UMAD1: variants seen among roughly 807,000 people sequenced by gnomAD.
The protein encoded by UMAD1 is UBAP1-MVB12-associated (UMA)-domain containing protein 1.
In UMAD1, 8 loss-of-function variants were observed where a neutral mutation model predicts 6.1. The observed-to-expected ratio is 1.30, with a 90% CI of 0.76 to 2.35. UMAD1 has a LOEUF of 2.35. UMAD1 is among the 30% of genes most tolerant of loss of function. The pLI, the probability that UMAD1 is intolerant of heterozygous loss-of-function variation, is 0.00. For missense variants in UMAD1, 130 were observed against 78.4 expected (o/e 1.66, Z -2.49); for synonymous variants, 56 against 31.4 (o/e 1.78, Z -2.61).
At chr7:7,747,100 G>A (rs939755603) in intron 2 of UMAD1, among the ~76,000 whole-genome samples, 3 of 151,996 alleles carry the variant, frequency 2.0e-5, no homozygotes, top group Non-Finnish European at 2.9e-5. Context: ...AGTTGCCTTC[G>A]AGTGCATGGT....
chr7:7,778,263 T>TGAGAGAGAGAGA (rs1342531151), intron 2 of UMAD1, among the ~76,000 whole-genome samples: 1 of 135,776 alleles, frequency 7.4e-6, no homozygotes, highest in African/African-American at 2.9e-5. Context: ...TGTGTGTGTG[T>TGAGAGAGAGAGA]GTGTGTGTGT....
chr7:7,763,971 A>G (rs963001780), intron 2 of UMAD1, among the ~76,000 whole-genome samples: 2 of 152,240 alleles, frequency 1.3e-5, no homozygotes, highest in Non-Finnish European at 2.9e-5. Context: ...ATAGCAGTAG[A>G]AAAGAAGATA....
chr7:7,840,755 C>T (rs1403264181), intron 3 of UMAD1, among the ~76,000 whole-genome samples: 1 of 152,146 alleles, frequency 6.6e-6, no homozygotes, highest in Non-Finnish European at 1.5e-5. Context: ...ATCAAAGGTT[C>T]TTCACAGAAG....
At chr7:7,676,938 A>G (rs1011033096) in intron 2 of UMAD1, among the ~76,000 whole-genome samples, 1 of 152,118 alleles carries the variant, frequency 6.6e-6, no homozygotes, top group African/African-American at 2.4e-5. Context: ...TCTTTTTATT[A>G]TATCATTCTA....
chr7:7,652,924 G>C (rs958844323), intron 1 of UMAD1, among the ~76,000 whole-genome samples: 15 of 152,172 alleles, frequency 9.9e-5, no homozygotes, highest in African/African-American at 3.6e-4. Context: ...ACATTAAAAT[G>C]AGCGAGCAAA....
intron 2 of UMAD1, among the ~76,000 whole-genome samples, chr7:7,776,792 T>C (rs954659500): frequency 5.9e-5 from 9 of 152,168 alleles, no homozygotes; most frequent in African/African-American, 2.2e-4. Flanking sequence ...ATGTTCAAAA[T>C]CTTAAATTCG....
intron 2 of UMAD1, among the ~76,000 whole-genome samples, chr7:7,737,275 C>T (rs543759023): frequency 3.9e-5 from 6 of 152,154 alleles, no homozygotes; most frequent in African/African-American, 9.7e-5. Flanking sequence ...TTTTCTCAGC[C>T]GTGAAACAAG....
At chr7:7,718,714 A>G (rs1038583791) in intron 2 of UMAD1, 2 of 152,168 alleles carry the variant, frequency 1.3e-5, no homozygotes, top group African/African-American at 4.8e-5. Flanking sequence ...GGCATTTATT[A>G]AATATGGACA....
At chr7:7,867,372 G>A (rs116787585) in intron 3 of UMAD1, among the ~76,000 whole-genome samples, 20 of 152,282 alleles carry the variant, frequency 1.3e-4, no homozygotes, top group African/African-American at 4.3e-4. Context: ...AAGCTCATCC[G>A]AAGAAGTGTG....
intron 2 of UMAD1, among the ~76,000 whole-genome samples, chr7:7,686,242 G>A (rs1004669158): frequency 1.3e-5 from 2 of 152,156 alleles, no homozygotes; most frequent in African/African-American, 4.8e-5. Flanking sequence ...TACATAGGCA[G>A]GGCCAGTATT....
chr7:7,851,866 T>C (rs949636609), intron 3 of UMAD1, among the ~76,000 whole-genome samples: 5 of 152,184 alleles, frequency 3.3e-5, no homozygotes, highest in Admixed American at 6.5e-5. Context: ...CTTTGAAGCA[T>C]AGAAGTTTAT....
chr7:7,713,179 A>C (rs1251631886), intron 2 of UMAD1, among the ~76,000 whole-genome samples: 1 of 151,748 alleles, frequency 6.6e-6, no homozygotes, highest in Non-Finnish European at 1.5e-5. Context: ...TCTACTAAAA[A>C]TACAAAAAAA....
intron 2 of UMAD1, among the ~76,000 whole-genome samples, chr7:7,782,533 A>T (rs890384788): frequency 7.2e-5 from 11 of 151,744 alleles, no homozygotes; most frequent in South Asian, 2.1e-4. Flanking sequence ...AATTTTTAAA[A>T]TTTTTTTTAT....
At chr7:7,855,473 G>A (rs1271544591) in intron 3 of UMAD1, among the ~76,000 whole-genome samples, 3 of 152,224 alleles carry the variant, frequency 2.0e-5, no homozygotes, top group African/African-American at 7.2e-5. Flanking sequence ...CCAAGGCTTG[G>A]GGCTTGCACC....
intron 1 of UMAD1, among the ~76,000 whole-genome samples, chr7:7,649,492 A>G (rs1467388373): frequency 1.3e-5 from 2 of 152,222 alleles, no homozygotes; most frequent in African/African-American, 4.8e-5. Context: ...TTTCTAACAC[A>G]TGAACTTTGG....
intron 3 of UMAD1, among the ~76,000 whole-genome samples, chr7:7,855,139 G>C (rs1783991716): frequency 6.6e-6 from 1 of 152,242 alleles, no homozygotes; most frequent in Non-Finnish European, 1.5e-5. Context: ...TGCTTTCAAG[G>C]CTGGCATTGA....
At chr7:7,871,480 T>C (rs1224027436) in intron 3 of UMAD1, among the ~76,000 whole-genome samples, 1 of 152,162 alleles carries the variant, frequency 6.6e-6, no homozygotes. Context: ...AGTTTCCTCT[T>C]GTCTTTAATA....
intron 2 of UMAD1, among the ~76,000 whole-genome samples, chr7:7,761,735 T>G (rs753239448): frequency 6.6e-6 from 1 of 152,244 alleles, no homozygotes; most frequent in Non-Finnish European, 1.5e-5. Flanking sequence ...TTGATCCCAA[T>G]TGTTTGCATT....
intron 2 of UMAD1, among the ~76,000 whole-genome samples, chr7:7,746,737 G>T (rs1057294873): frequency 6.6e-6 from 1 of 152,232 alleles, no homozygotes; most frequent in South Asian, 2.1e-4. Flanking sequence ...CCAGCCAAAT[G>T]CCCTGTCCCT....
Sources: allele counts gnomAD v4.1 joint callset (sites outside exome capture counted in the v4.1 genomes callset), GRCh38; gene constraint gnomAD v4.1.1; transcripts MANE v1.5; gene names NCBI Gene and HGNC (gene_info 2026-07-23, HGNC 2026-07-21).